Variants in KIF16B observed in about 807,000 individuals in gnomAD.
The protein encoded by KIF16B is kinesin family member 16B, also known as kinesin-like protein KIF16B.
A neutral mutation model predicts 156.3 loss-of-function variants in KIF16B; 98 were observed. That is an observed-to-expected ratio of 0.63 (90% CI 0.53 to 0.74). The LOEUF (loss-of-function observed/expected upper bound fraction) is 0.74, where lower values mean the gene tolerates loss of function less well. Among genes scored for constraint, KIF16B ranks in the 30% least tolerant of loss-of-function variants. The pLI, the probability that KIF16B is intolerant of heterozygous loss-of-function variation, is 0.00. For missense variants in KIF16B, 1,421 were observed against 1,606.5 expected, an observed-to-expected ratio of 0.88 and a Z score of 1.97; for synonymous variants, 564 against 583.7, an observed-to-expected ratio of 0.97 and a Z score of 0.49.
At chr20:16,343,991 A>G (rs6034461) in intron 23 of KIF16B, among the ~76,000 whole-genome samples, 108,465 of 152,034 alleles carry the variant, frequency 0.71, 39,538 homozygotes, top group East Asian at 0.96. Flanking sequence ...TCCAGCGATA[A>G]CTATGTGTGA....
intron 15 of KIF16B, among the ~76,000 whole-genome samples, chr20:16,425,247 G>A (rs1161924313): frequency 3.3e-5 from 5 of 152,096 alleles, no homozygotes; most frequent in Admixed American, 6.5e-5. Context: ...GACAGGACAC[G>A]AAAGCCAGCT....
At chr20:16,342,166 T>C (rs2123021440) in intron 23 of KIF16B, among the ~76,000 whole-genome samples, 2 of 152,330 alleles carry the variant, frequency 1.3e-5, no homozygotes, top group Middle Eastern at 6.8e-3. Context: ...CACACCATGA[T>C]TAGAACACAC....
intron 12 of KIF16B, among the ~76,000 whole-genome samples, chr20:16,476,025 T>A (rs2067799233): frequency 6.6e-6 from 1 of 152,232 alleles, no homozygotes; most frequent in East Asian, 1.9e-4. Flanking sequence ...CTGCATCCAG[T>A]AATTATCAGC....
In KIF16B at chr20:16,526,587, A is replaced by T. The variant is rs2069553133; in HGVS notation, c.118-382T>A. On this transcript the variant is annotated intron_variant, in intron 2 of 25. Coordinates refer to ENST00000354981, the MANE Select transcript of KIF16B (RefSeq NM_024704.5). ...TAAGATTGGCACCTTCTAAAGCTGT[A>T]TGATTTGGTGGCCTCACTGAAAATT... is the stretch of plus-strand genomic sequence containing the variant. Among the ~76,000 whole-genome samples the T allele has an allele frequency of 2.0e-5, 3 of 152,200 alleles. No homozygotes were observed. The South Asian group carries it at 6.2e-4, about 32-fold the overall frequency.
intron 23 of KIF16B, among the ~76,000 whole-genome samples, chr20:16,350,742 G>C (rs2064322347): frequency 6.6e-6 from 1 of 151,604 alleles, no homozygotes; most frequent in Non-Finnish European, 1.5e-5. Flanking sequence ...GGGCGGGGGG[G>C]AAGTTTACAA....
chr20:16,433,302 G>GT (rs2066552544), intron 12 of KIF16B, among the ~76,000 whole-genome samples: 1 of 152,052 alleles, frequency 6.6e-6, no homozygotes. Flanking sequence ...GACCATTCTC[G>GT]TAAGTCCACA....
intron 24 of KIF16B, among the ~76,000 whole-genome samples, chr20:16,323,084 G>T (rs910790061): frequency 2.0e-5 from 3 of 152,046 alleles, no homozygotes; most frequent in African/African-American, 7.2e-5. Context: ...AAGTTGTGGA[G>T]TCTTTACTAA....
intron 1 of KIF16B, among the ~76,000 whole-genome samples, chr20:16,555,003 G>A (rs2070795744): frequency 6.6e-6 from 1 of 152,242 alleles, no homozygotes; most frequent in Admixed American, 6.5e-5. Flanking sequence ...GCAGGCATGG[G>A]ATCCAGGCTG....
At chr20:16,462,368 T>A (rs1173888952) in intron 12 of KIF16B, among the ~76,000 whole-genome samples, 1 of 152,200 alleles carries the variant, frequency 6.6e-6, no homozygotes, top group Non-Finnish European at 1.5e-5. Context: ...TTCTTTCATT[T>A]CACAACAGAA....
At chr20:16,514,582 G>T (rs375076891) in intron 4 of KIF16B, among the ~76,000 whole-genome samples, 3 of 76,910 alleles carry the variant, frequency 3.9e-5, no homozygotes, top group Non-Finnish European at 7.5e-5. Context: ...TAAGAAATAA[G>T]AAAAAAAAAA....
intron 25 of KIF16B, among the ~76,000 whole-genome samples, chr20:16,279,083 G>C (rs1374971626): frequency 1.3e-5 from 2 of 152,286 alleles, no homozygotes; most frequent in Non-Finnish European, 1.5e-5. Flanking sequence ...ACAGTGCCTT[G>C]GTGGGCACTG....
chr20:16,506,171 A>C lies in KIF16B; in HGVS notation c.719T>G (p.Met240Arg). ...GATCTTACTGACGGTTTCACATGGCATTTCAGAATCAAATTTAGCCTGTGG... is the reference window on the plus strand; with the variant it reads ...GATCTTACTGACGGTTTCACATGGCCTTTCAGAATCAAATTTAGCCTGTGG... ...KFTQAKFDSE[M>R]PCETVSKIHL... The change falls in exon 8 of 26, where the codon ATG becomes AGG. Residue 240 changes from methionine to arginine, a missense_variant. Transcript: ENST00000354981. 6.2e-7 allele frequency: 1 copy of C among 1,614,122 alleles called. No homozygotes were observed. The highest frequency in any genetic ancestry group is 8.5e-7 in the Non-Finnish European group (1 of 1,179,970).
At chr20:16,493,552 C>T (rs967528211) in intron 12 of KIF16B, among the ~76,000 whole-genome samples, 3 of 152,156 alleles carry the variant, frequency 2.0e-5, no homozygotes, top group African/African-American at 7.2e-5. Context: ...AAAAACAAAC[C>T]TCACATTGAA....
intron 25 of KIF16B, among the ~76,000 whole-genome samples, chr20:16,280,861 TGTGTGTGC>T (rs1004712124): frequency 6.6e-6 from 1 of 152,042 alleles, no homozygotes; most frequent in African/African-American, 2.4e-5. Context: ...TGTGTGTGTG[TGTGTGTGC>T]GCAGAAAATG....
At chr20:16,495,837 C>T (rs1042874545) in intron 11 of KIF16B, among the ~76,000 whole-genome samples, 7 of 152,072 alleles carry the variant, frequency 4.6e-5, no homozygotes, top group Non-Finnish European at 7.4e-5. Flanking sequence ...ACTACAGGTG[C>T]ACACCACCAC....
At chr20:16,273,661 CTCAATCAA>C (rs35085462) in intron 25 of KIF16B, among the ~76,000 whole-genome samples, 5,254 of 149,390 alleles carry the variant, frequency 0.035, 84 homozygotes, top group Middle Eastern at 0.051. Flanking sequence ...AAGACCCTGT[CTCAATCAA>C]TCAATCAATC....
intron 24 of KIF16B, among the ~76,000 whole-genome samples, chr20:16,320,684 A>G (rs2122785295): frequency 6.6e-6 from 1 of 152,352 alleles, no homozygotes; most frequent in South Asian, 2.1e-4. Flanking sequence ...AAACACATCA[A>G]GGTGCATCTT....
intron 1 of KIF16B, among the ~76,000 whole-genome samples, chr20:16,529,820 G>T (rs1049428268): frequency 6.6e-6 from 1 of 152,090 alleles, no homozygotes; most frequent in Non-Finnish European, 1.5e-5. Context: ...CCATGGTGGC[G>T]CATGCCTGTA....
chr20:16,400,587 T>C (rs866353890), intron 17 of KIF16B, among the ~76,000 whole-genome samples: 3 of 152,158 alleles, frequency 2.0e-5, no homozygotes, highest in African/African-American at 7.2e-5. Flanking sequence ...TTATTCACAA[T>C]AGCCAAAAGG....
Sources: gnomAD v4.1 joint callset for allele counts (sites outside exome capture counted in the v4.1 genomes callset) on GRCh38, gnomAD v4.1.1 for gene constraint, MANE v1.5 for transcripts, NCBI Gene and HGNC (gene_info 2026-07-23, HGNC 2026-07-21) for gene names.